DACT2: variants seen among roughly 807,000 people sequenced by gnomAD.
DACT2 encodes dapper homolog 2.
Under a neutral mutation model 22.2 loss-of-function variants are expected in DACT2, and 20 were observed. That is an observed-to-expected ratio of 0.90 (90% CI 0.63 to 1.31). The LOEUF is 1.31. Ranked by LOEUF, DACT2 falls within the 50% of genes most tolerant of loss-of-function variation. The pLI is 0.00. For synonymous variants in DACT2, 463 were observed against 479.8 expected, an observed-to-expected ratio of 0.96 and a Z score of 0.46; for missense variants, 1,048 against 1,061.4, an observed-to-expected ratio of 0.99 and a Z score of 0.18.
downstream of DACT2, among the ~76,000 whole-genome samples, chr6:168,304,205 G>C (rs1251397063): frequency 2.6e-5 from 4 of 152,176 alleles, no homozygotes; most frequent in African/African-American, 9.7e-5. Flanking sequence ...GCCTTAGTGG[G>C]CTTCCTGGTT....
Position 168,308,952 on chromosome 6 carries a change from C to A in DACT2, c.805G>T (p.Gly269Cys), listed in dbSNP as rs1164135716. The A allele has an allele frequency of 6.5e-7, 1 of 1,549,528 alleles. No individual in the cohort carries two copies. Among genetic ancestry groups the A allele is most frequent in the African/African-American group, 1.4e-5 (1 of 73,036 alleles). Residue 269 changes from glycine to cysteine, a missense_variant, in exon 4 of 4, where the codon GGC (glycine) becomes TGC (cysteine). Coordinates refer to ENST00000366795, the MANE Select transcript of DACT2 (RefSeq NM_214462.5). ...KYRQDLVSQGGREVYPYPSPL... is the reference protein window; with the variant it reads ...KYRQDLVSQGCREVYPYPSPL... ...CTGGGGTACGGGTACACCTCCCTGC[C>A]GCCCTGGGACACCAGGTCCTGCCGA... is the stretch of plus-strand genomic sequence containing the variant.
intron 1 of DACT2, among the ~76,000 whole-genome samples, chr6:168,318,859 T>G (rs1293818124): frequency 6.6e-6 from 1 of 152,018 alleles, no homozygotes; most frequent in Non-Finnish European, 1.5e-5. Flanking sequence ...CCCCAATACT[T>G]TATTACAGTG....
chr6:168,294,939 G>A lies in DACT2; in HGVS notation c.659-235C>T, dbSNP rs78318404. ...ATCCTGACAAGTTGAGGAAGAAACC[G>A]TGGCATGAAAAGGAGCTGCTTTATA... On this transcript the variant is annotated intron_variant, in intron 3 of 5. Transcript: ENST00000366796. Among the ~76,000 whole-genome samples the A allele has an allele frequency of 2.1e-3, 323 of 152,270 alleles. 2 individuals carry two copies. The highest frequency in any genetic ancestry group is 8.9e-3 in the East Asian group (46 of 5,176).
At chr6:168,309,315 G>A (rs919056516) in intron 3 of DACT2, among the ~76,000 whole-genome samples, 4 of 129,916 alleles carry the variant, frequency 3.1e-5, no homozygotes, top group Non-Finnish European at 4.9e-5. Flanking sequence ...CACTGGGCGC[G>A]GGGCAGACGG....
downstream of DACT2, among the ~76,000 whole-genome samples, chr6:168,305,595 C>A (rs1349851460): frequency 7.6e-6 from 1 of 132,372 alleles, no homozygotes; most frequent in African/African-American, 3.3e-5. Context: ...TTCCTAGCCA[C>A]GTCTTCAGCC....
intron 1 of DACT2, among the ~76,000 whole-genome samples, chr6:168,313,642 C>A (rs1398021620): frequency 6.6e-6 from 1 of 152,142 alleles, no homozygotes; most frequent in Non-Finnish European, 1.5e-5. Flanking sequence ...TAAAACAAAA[C>A]CCATGGTACT....
chr6:168,308,882 G>A lies in DACT2; in HGVS notation c.875C>T (p.Thr292Ile), dbSNP rs1198336544. 6.4e-6 allele frequency: 10 copies of A among 1,551,026 alleles called. No individual in the cohort carries two copies. The highest frequency in any genetic ancestry group is 7.8e-6 in the Non-Finnish European group (9 of 1,146,854). ...GCCACCTCTCTGTGGGGTTTCCTTAGTCAGGACAAACAGGGGGCTCTGTAG... is the reference window on the plus strand; with the variant it reads ...GCCACCTCTCTGTGGGGTTTCCTTAATCAGGACAAACAGGGGGCTCTGTAG... ...VALQSPLFVL[T>I]KETPQRGGPS... The change falls in exon 4 of 4, where the codon ACT becomes ATT. Residue 292 changes from threonine (T) to isoleucine (I), a missense_variant. Coordinates refer to ENST00000366795, the MANE Select transcript of DACT2 (RefSeq NM_214462.5).
rs1779255384 is a variant in DACT2 at position 168,307,797 on chromosome 6, C to A, written c.1960G>T (p.Asp654Tyr). Residue 654 changes from aspartate to tyrosine, a missense_variant, in exon 4 of 4, where the codon GAC becomes TAC. By Grantham distance (160) the Asp-to-Tyr change is radical. Coordinates refer to ENST00000366795, the MANE Select transcript of DACT2 (RefSeq NM_214462.5). The surrounding 1 kb of genome is among the most constrained non-coding windows in gnomAD (Gnocchi z 5.3). ...TCTGAGTCGCTCCTGGTGTAGGCGT[C>A]CTGGCGGACCAGTGAGGGACGGCCC... is the stretch of plus-strand genomic sequence containing the variant. ...ARGRPSLVRQ[D>Y]AYTRSDSEPS... 6.5e-7 allele frequency: 1 copy of A among 1,542,652 alleles called. No individual in the cohort carries two copies. Among genetic ancestry groups the A allele is most frequent in the African/African-American group, 1.4e-5 (1 of 73,008 alleles).
intron 1 of DACT2, among the ~76,000 whole-genome samples, chr6:168,313,154 C>A (rs762296436): frequency 5.9e-4 from 90 of 152,220 alleles, no homozygotes; most frequent in Non-Finnish European, 7.8e-4. Context: ...TCAAGCCATT[C>A]TCTTGCCTCA....
intron 1 of DACT2, among the ~76,000 whole-genome samples, 171 bp from the exon 2 acceptor site, chr6:168,311,455 G>A (rs189849064): frequency 1.4e-4 from 22 of 152,100 alleles, no homozygotes; most frequent in Non-Finnish European, 2.9e-4. Context: ...CAATTTCCTT[G>A]TTCCACTGTC....
exon 6 of DACT2, chr6:168,293,641 G>A (rs958017733): frequency 3.9e-6 from 2 of 508,506 alleles, no homozygotes. Context: ...ATTTGTTAGG[G>A]AGAAACCATT....
Position 168,311,134 on chromosome 6 carries a change from G to T in DACT2, c.379+18C>A, listed in dbSNP as rs750351864. The T allele has an allele frequency of 6.6e-7, 1 of 1,511,646 alleles. No individual in the cohort carries two copies. The highest frequency in any genetic ancestry group is 1.2e-5 in the South Asian group (1 of 82,284). The allele number at this position is 1,511,646 out of a possible 1,614,324, so 93.6% of individuals were successfully genotyped here. On this transcript the variant is annotated intron_variant, in intron 2 of 3. Transcript: ENST00000366795. ...GCGTGCCTGCCCCTGTGTCCGGGAG[G>T]TCAGGGCGCCCTGGTACCTGAGCTG...
downstream of DACT2, among the ~76,000 whole-genome samples, chr6:168,303,424 C>G (rs7750589): frequency 0.067 from 10,217 of 152,200 alleles, 796 homozygotes; most frequent in African/African-American, 0.19. Flanking sequence ...CTCGCTCTGG[C>G]GGAATGGCCT....
chr6:168,302,299 C>T (rs1394161299), downstream of DACT2, among the ~76,000 whole-genome samples: 2 of 152,216 alleles, frequency 1.3e-5, no homozygotes, highest in African/African-American at 4.8e-5. Context: ...AGCTGGGCCC[C>T]CAAATGCAAT....
At chr6:168,303,305 T>C (rs887101450), downstream of DACT2, among the ~76,000 whole-genome samples, 3 of 152,178 alleles carry the variant, frequency 2.0e-5, no homozygotes, top group East Asian at 5.8e-4. Flanking sequence ...AAATTTGAAA[T>C]TTGATCCCCA....
intron 4 of DACT2, chr6:168,294,575 G>GTATATATATATATATATATATATA (rs778559132): frequency 3.1e-6 from 1 of 323,516 alleles, no homozygotes; most frequent in African/African-American, 4.6e-5. Context: ...GTGTGTGTGT[G>GTATATATATATATATATATATATA]TGTATATATA....
chr6:168,303,199 G>A (rs181778867), downstream of DACT2, among the ~76,000 whole-genome samples: 13 of 152,212 alleles, frequency 8.5e-5, no homozygotes, highest in African/African-American at 2.9e-4. Context: ...TGTATTTAAC[G>A]TTTAGGATCC....
At chr6:168,313,916 T>C (rs1466473356) in intron 1 of DACT2, among the ~76,000 whole-genome samples, 1 of 152,154 alleles carries the variant, frequency 6.6e-6, no homozygotes, top group African/African-American at 2.4e-5. Context: ...CACAGAGCTC[T>C]CAGGCACTCA....
chr6:168,296,435 CGG>C (rs1779010374), intron 3 of DACT2, among the ~76,000 whole-genome samples: 1 of 148,004 alleles, frequency 6.8e-6, no homozygotes, highest in African/African-American at 2.5e-5. Flanking sequence ...AGGGAAACAG[CGG>C]ATCCATCCAC....
Sources: allele counts gnomAD v4.1 joint callset (sites outside exome capture counted in the v4.1 genomes callset), GRCh38; gene constraint gnomAD v4.1.1; non-coding constraint Gnocchi (gnomAD v3.1); transcripts MANE v1.5; gene names NCBI Gene and HGNC (gene_info 2026-07-23, HGNC 2026-07-21).